The following MYO16 variants were observed in gnomAD, a reference collection of about 807,000 sequenced individuals.
MYO16 encodes the protein myosin XVI, also known as unconventional myosin-XVI.
Under a neutral mutation model 205.3 loss-of-function variants are expected in MYO16, and 94 were observed. That is an observed-to-expected ratio of 0.46 (90% CI 0.39 to 0.54). MYO16 has a LOEUF of 0.54. Among genes scored for constraint, MYO16 ranks in the 20% least tolerant of loss-of-function variants. The pLI, the probability that MYO16 is intolerant of heterozygous loss-of-function variation, is 0.00. For missense variants in MYO16, 2,315 were observed against 2,387.5 expected, an observed-to-expected ratio of 0.97 and a Z score of 0.63; for synonymous variants, 988 against 954.0, an observed-to-expected ratio of 1.04 and a Z score of -0.66.
At chr13:108,875,813 G>A (rs1316775737) in intron 12 of MYO16, among the ~76,000 whole-genome samples, 2 of 152,262 alleles carry the variant, frequency 1.3e-5, no homozygotes, top group East Asian at 3.9e-4. Flanking sequence ...GGTGGAGTCT[G>A]CAGTGATCTG....
chr13:108,939,080 G>A (rs1313266415), intron 16 of MYO16, among the ~76,000 whole-genome samples: 1 of 152,204 alleles, frequency 6.6e-6, no homozygotes, highest in Non-Finnish European at 1.5e-5. Context: ...TCCAGAGCAG[G>A]CTCTCCAATC....
At chr13:108,954,997 CTCTCTGCTCCGCAGCTGTG>C (rs775569435) in intron 16 of MYO16, among the ~76,000 whole-genome samples, 1 of 152,200 alleles carries the variant, frequency 6.6e-6, no homozygotes, top group Non-Finnish European at 1.5e-5. Context: ...GCTCCTGCTG[CTCTCTGCTCCGCAGCTGTG>C]TCCCTTCTCC....
intron 23 of MYO16, among the ~76,000 whole-genome samples, chr13:109,026,329 CAGAG>C (rs558442033): frequency 1.9e-3 from 287 of 152,070 alleles, no homozygotes; most frequent in African/African-American, 6.6e-3. Flanking sequence ...AAAAGTTAGG[CAGAG>C]AGAGATTTGA....
chr13:108,616,838 G>T (rs1265599741), intron 1 of MYO16, among the ~76,000 whole-genome samples: 1 of 152,168 alleles, frequency 6.6e-6, no homozygotes, highest in Non-Finnish European at 1.5e-5. Context: ...GAAAAGGTCA[G>T]AGGAAAGATA....
the MYO16 span, among the ~76,000 whole-genome samples, chr13:108,567,763 A>T: frequency 5.9e-5 from 9 of 152,302 alleles, no homozygotes; most frequent in South Asian, 1.9e-3. Context: ...TTTTTAGTAC[A>T]TTCAGAGTTG....
intron 2 of MYO16, among the ~76,000 whole-genome samples, chr13:108,687,041 G>C (rs1882706945): frequency 6.6e-6 from 1 of 152,144 alleles, no homozygotes; most frequent in South Asian, 2.1e-4. Flanking sequence ...GCTTTGGTTT[G>C]GCTGCCTATT....
At chr13:108,508,366 G>T in the MYO16 span, among the ~76,000 whole-genome samples, 1 of 152,064 alleles carries the variant, frequency 6.6e-6, no homozygotes, top group Admixed American at 6.6e-5. Flanking sequence ...AGCTTTTTTG[G>T]GGATGCACTT....
chr13:108,662,274 G>A (rs1881536155), intron 1 of MYO16, among the ~76,000 whole-genome samples: 1 of 152,220 alleles, frequency 6.6e-6, no homozygotes, highest in Non-Finnish European at 1.5e-5. Context: ...CTGCCAGGAG[G>A]TGGCATTTTC....
intron 32 of MYO16, among the ~76,000 whole-genome samples, chr13:109,147,742 G>A (rs1877417099): frequency 6.6e-6 from 1 of 152,122 alleles, no homozygotes; most frequent in African/African-American, 2.4e-5. Flanking sequence ...TTACTGAGGT[G>A]CTCTTCTGCT....
intron 2 of MYO16, among the ~76,000 whole-genome samples, chr13:108,682,437 T>G (rs2139472442): frequency 6.6e-6 from 1 of 152,250 alleles, no homozygotes; most frequent in African/African-American, 2.4e-5. Flanking sequence ...GAGACAATTC[T>G]CGGTGGTGCT....
At chr13:109,072,300 T>C (rs1887947821) in intron 27 of MYO16, among the ~76,000 whole-genome samples, 1 of 152,186 alleles carries the variant, frequency 6.6e-6, no homozygotes, top group Admixed American at 6.5e-5. Flanking sequence ...GTCATTGGAA[T>C]AGAAAATATT....
In MYO16 at chr13:109,140,753, T is replaced by C. The variant is rs766222793; in HGVS notation, c.4541T>C (p.Leu1514Pro). 1 of 1,538,404 alleles carries C rather than the reference T, an allele frequency of 6.5e-7. No homozygotes were observed. The highest frequency in any genetic ancestry group is 8.7e-7 in the Non-Finnish European group (1 of 1,144,734). The change falls in exon 32 of 35, where the codon CTG (leucine) becomes CCG (proline). Residue 1514 changes from leucine to proline, a missense_variant. By Grantham distance (98) the Leu-to-Pro change is moderately conservative. Coordinates refer to ENST00000457511, the MANE Select transcript of MYO16 (RefSeq NM_001198950.3). This position sits in a 1 kb window ranked among gnomAD's most constrained non-coding sequence, Gnocchi z 8.0. Reference sequence around the variant, plus strand: ...AACCTGCTGCCGCACCGGCCGCCCCTGCTGGTGTTCCCCCCGACCCCCGTC... The same window carrying C: ...AACCTGCTGCCGCACCGGCCGCCCCCGCTGGTGTTCCCCCCGACCCCCGTC... ...FPNLLPHRPPLLVFPPTPVTC... is the reference protein window; with the variant it reads ...FPNLLPHRPPPLVFPPTPVTC...
At chr13:108,712,835 A>G in intron 3 of MYO16, 104 bp downstream of exon 3, 1 of 809,960 alleles carries the variant, frequency 1.2e-6, no homozygotes, top group South Asian at 2.1e-5. Context: ...GATGATGATC[A>G]GAAAGATGAT....
rs559442406 is a variant in MYO16 at position 108,652,591 on chromosome 13, T to A, written c.29-13295T>A. ...TTGCCTCAGTCCCTGGCAACCATCATTCTACTTTCTGCTTCTGAGTTTGAC... is the reference window on the plus strand; with the variant it reads ...TTGCCTCAGTCCCTGGCAACCATCAATCTACTTTCTGCTTCTGAGTTTGAC... On this transcript the variant is annotated intron_variant, in intron 1 of 34. Transcript: ENST00000457511. Among the ~76,000 whole-genome samples, 21 of 152,316 alleles carry A rather than the reference T, an allele frequency of 1.4e-4. No homozygotes were observed. In the South Asian group the frequency reaches 4.1e-3, roughly 30 times the overall value.
At chr13:109,076,994 CT>C (rs1555329682) in intron 27 of MYO16, among the ~76,000 whole-genome samples, 2,542 of 103,366 alleles carry the variant, frequency 0.025, 32 homozygotes, top group South Asian at 0.051. Context: ...TTTGTTTACA[CT>C]TTTTTTTTTT....
intron 16 of MYO16, among the ~76,000 whole-genome samples, chr13:108,946,864 C>G (rs1882960599): frequency 6.6e-6 from 1 of 152,124 alleles, no homozygotes; most frequent in Non-Finnish European, 1.5e-5. Context: ...ACTTCAGCCT[C>G]CCAAATAGCA....
chr13:108,851,737 T>C (rs1408125171), intron 10 of MYO16, among the ~76,000 whole-genome samples: 1 of 152,140 alleles, frequency 6.6e-6, no homozygotes, highest in African/African-American at 2.4e-5. Flanking sequence ...GCCACCTTTT[T>C]CTAGAGCTTG....
chr13:108,700,413 G>A lies in MYO16; in HGVS notation c.293-12248G>A, dbSNP rs116643523. ...AAATGGTTGAACTTCGGCAAGAGCA[G>A]TGTTTTGTGGTCCTTTGACGATTGT... is the stretch of plus-strand genomic sequence containing the variant. On this transcript the variant is annotated intron_variant, in intron 2 of 34. Coordinates refer to ENST00000457511, the MANE Select transcript of MYO16 (RefSeq NM_001198950.3). 4.1e-3 allele frequency among the ~76,000 whole-genome samples: 622 copies of A among 151,654 alleles called. 4 individuals are homozygous for A. The highest frequency in any genetic ancestry group is 0.013 in the African/African-American group (557 of 41,346).
At chr13:108,510,285 T>G in the MYO16 span, among the ~76,000 whole-genome samples, 1 of 151,566 alleles carries the variant, frequency 6.6e-6, no homozygotes, top group Non-Finnish European at 1.5e-5. Context: ...CCCGGCTAAT[T>G]TTTTTGTGTT....
Sources: allele counts gnomAD v4.1 joint callset (sites outside exome capture counted in the v4.1 genomes callset), GRCh38; gene constraint gnomAD v4.1.1; non-coding constraint Gnocchi (gnomAD v3.1); transcripts MANE v1.5; gene names NCBI Gene and HGNC (gene_info 2026-07-23, HGNC 2026-07-21).